Variants in ATIC observed in about 807,000 individuals in gnomAD.
ATIC encodes 5-aminoimidazole-4-carboxamide ribonucleotide formyltransferase/IMP cyclohydrolase, also known as bifunctional purine biosynthesis protein ATIC.
A neutral mutation model predicts 72.5 loss-of-function variants in ATIC; 64 were observed. That is an observed-to-expected ratio of 0.88 (90% CI 0.72 to 1.09). The LOEUF is 1.09. Ranked by LOEUF, ATIC falls within the 50% of genes least tolerant of loss-of-function variation. ATIC has a pLI of 0.00. For missense variants in ATIC, 787 were observed against 732.4 expected, an observed-to-expected ratio of 1.07 and a Z score of -0.86; for synonymous variants, 281 against 267.1, an observed-to-expected ratio of 1.05 and a Z score of -0.51.
At chr2:215,346,707 A>G in intron 13 of ATIC, 52 bp from the exon 14 acceptor site, 1 of 1,586,690 alleles carries the variant, frequency 6.3e-7, no homozygotes, top group Non-Finnish European at 8.7e-7. Context: ...GATCCTTTTG[A>G]GAAGAAAGTG....
At position 215,349,171 on chromosome 2, in the gene ATIC, G is replaced by T. The variant is rs1216586234; in HGVS notation, c.1581G>T (p.Trp527Cys). 1 of 1,614,056 alleles carries T rather than the reference G, an allele frequency of 6.2e-7. No homozygotes were observed. Among genetic ancestry groups the T allele is most frequent in the South Asian group, 1.1e-5 (1 of 91,074 alleles). Reference sequence around the variant, plus strand: ...TCACTGAGGCAGAGAAGAAGGAATGGGTTGAGAAACTGACTGAAGTTTCTA... The same window carrying T: ...TCACTGAGGCAGAGAAGAAGGAATGTGTTGAGAAACTGACTGAAGTTTCTA... ...ELLTEAEKKEWVEKLTEVSIS... is the reference protein window; with the variant it reads ...ELLTEAEKKECVEKLTEVSIS... Residue 527 changes from tryptophan (W) to cysteine (C), a missense_variant, in exon 15 of 16, where the codon TGG becomes TGT. Physicochemically the swap from Trp to Cys is radical, Grantham distance 215 (BLOSUM62 -2). Coordinates refer to ENST00000236959, the MANE Select transcript of ATIC (RefSeq NM_004044.7).
At chr2:215,347,115 A>G (rs1048238175) in intron 14 of ATIC, 174 bp downstream of exon 14, 16 of 883,192 alleles carry the variant, frequency 1.8e-5, no homozygotes, top group Admixed American at 1.7e-4. Context: ...CTTCTGTCTC[A>G]TGTAACTTTC....
chr2:215,364,717 G>T, the ATIC span: 1 of 665,262 alleles, frequency 1.5e-6, no homozygotes. Context: ...TAGACATAGA[G>T]CTGCTCTAGA....
intron 11 of ATIC, 49 bp downstream of exon 11, chr2:215,336,173 T>G: frequency 7.2e-7 from 1 of 1,386,704 alleles, no homozygotes; most frequent in Non-Finnish European, 1.0e-6. Flanking sequence ...TTATTCTGTG[T>G]CTCTTTCTCC....
At chr2:215,359,339 C>T in the ATIC span, among the ~76,000 whole-genome samples, 1 of 152,304 alleles carries the variant, frequency 6.6e-6, no homozygotes, top group East Asian at 1.9e-4. Flanking sequence ...TACCAGCTCA[C>T]CTATGAATAT....
At chr2:215,322,584 G>A (rs1424869935) in intron 4 of ATIC, among the ~76,000 whole-genome samples, 2 of 151,910 alleles carry the variant, frequency 1.3e-5, no homozygotes, top group African/African-American at 4.8e-5. Flanking sequence ...CACCTGCCTC[G>A]GTCTCCCAAA....
chr2:215,333,423 C>T lies in ATIC; in HGVS notation c.888C>T (p.Leu296=), dbSNP rs1394459855. 6.2e-7 allele frequency: 1 copy of T among 1,614,058 alleles called. No individual in the cohort carries two copies. The highest frequency in any genetic ancestry group is 1.1e-5 in the South Asian group (1 of 91,084). The change falls in exon 9 of 16, where the codon CTC becomes CTT. Residue 296 remains leucine (L), a synonymous_variant. Coordinates refer to ENST00000236959, the MANE Select transcript of ATIC (RefSeq NM_004044.7). ...VCMVYDLYKT[L]TPISAAYARA... ...TGGTTTATGATCTCTATAAAACCCT[C>T]ACACCCATCTCAGCGGCATATGCAA... is the stretch of plus-strand genomic sequence containing the variant.
the ATIC span, chr2:215,362,087 A>G: frequency 6.2e-7 from 1 of 1,608,646 alleles, no homozygotes; most frequent in African/African-American, 1.3e-5. Flanking sequence ...GCCCTGAGAG[A>G]GTAGAGGCAT....
chr2:215,368,356 A>G, the ATIC span, among the ~76,000 whole-genome samples: 2 of 152,352 alleles, frequency 1.3e-5, no homozygotes, highest in South Asian at 4.1e-4. Context: ...GTGGGATGCA[A>G]AGACTAATGA....
chr2:215,356,770 A>T, the ATIC span, among the ~76,000 whole-genome samples: 1 of 152,204 alleles, frequency 6.6e-6, no homozygotes, highest in East Asian at 1.9e-4. Flanking sequence ...TGCAGCATGT[A>T]CATTCCTTTT....
At chr2:215,352,426 A>T (rs1350613402), downstream of ATIC, among the ~76,000 whole-genome samples, 1 of 152,070 alleles carries the variant, frequency 6.6e-6, no homozygotes, top group Non-Finnish European at 1.5e-5. Flanking sequence ...TACTAAAATT[A>T]CAAAAATTAG....
chr2:215,315,099 T>C (rs1369474677), intron 2 of ATIC, among the ~76,000 whole-genome samples: 1 of 152,180 alleles, frequency 6.6e-6, no homozygotes, highest in African/African-American at 2.4e-5. Flanking sequence ...GTCCAGATTC[T>C]TCTTGGCTTC....
the ATIC span, among the ~76,000 whole-genome samples, chr2:215,357,057 A>T: frequency 6.6e-6 from 1 of 152,294 alleles, no homozygotes; most frequent in Non-Finnish European, 1.5e-5. Flanking sequence ...GCGATGAATG[A>T]GGGTTCCAGT....
chr2:215,335,071 T>A, intron 10 of ATIC, 67 bp downstream of exon 10: 1 of 1,091,228 alleles, frequency 9.2e-7, no homozygotes, highest in South Asian at 1.4e-5. Flanking sequence ...TAATGTTAAT[T>A]GAAACCATAA....
At chr2:215,354,893 C>T in the ATIC span, among the ~76,000 whole-genome samples, 1 of 151,760 alleles carries the variant, frequency 6.6e-6, no homozygotes, top group South Asian at 2.1e-4. Flanking sequence ...CTTGAGACAG[C>T]CCAGCTGATG....
At chr2:215,355,720 T>G in the ATIC span, among the ~76,000 whole-genome samples, 2 of 152,216 alleles carry the variant, frequency 1.3e-5, no homozygotes, top group Non-Finnish European at 2.9e-5. Flanking sequence ...CCATTTAAAG[T>G]ATAATTTTTA....
rs534875915 is a variant in ATIC, at chr2:215,317,991, G to T, written c.147-166G>T. 1.8e-4 allele frequency: 121 copies of T among 666,944 alleles called. No individual in the cohort carries two copies. In the African/African-American group the frequency reaches 1.9e-3, roughly 11 times the overall value. 41.3% of individuals were successfully genotyped at this position (666,944 alleles called of 1,614,324 possible). ...ATAAACTTTTTTTCGGAAGTAAATA[G>T]AATTTTACTTAAGAAATAAAATATA... On this transcript the variant is annotated intron_variant, in intron 2 of 15. Coordinates refer to ENST00000236959, the MANE Select transcript of ATIC (RefSeq NM_004044.7).
At chr2:215,350,100 A>T (rs970758601), downstream of ATIC, among the ~76,000 whole-genome samples, 5 of 152,032 alleles carry the variant, frequency 3.3e-5, no homozygotes, top group Non-Finnish European at 5.9e-5. Flanking sequence ...GAGTCTTCTC[A>T]TGCCGTTTTT....
At position 215,325,857 on chromosome 2, in the gene ATIC, C is replaced by A. The variant is rs75730289; in HGVS notation, c.380-130C>A. The A allele has an allele frequency of 1.1e-3, 1,345 of 1,177,006 alleles. 10 individuals carry two copies. The African/African-American group carries it at 0.018, about 16-fold the overall frequency. The allele number at this position is 1,177,006 out of a possible 1,614,324, so 72.9% of individuals were successfully genotyped here. A position where few individuals can be genotyped will look rare whatever the true frequency, so the allele number is the denominator to read the frequency against. On this transcript the variant is annotated intron_variant, in intron 5 of 15. Coordinates refer to ENST00000236959, the MANE Select transcript of ATIC (RefSeq NM_004044.7). ...CTGGGATTCCAGGCATGAGCCACTG[C>A]GCCCAGCTTATTTTCCTGATTTTTA...
Sources: gnomAD v4.1 joint callset for allele counts (sites outside exome capture counted in the v4.1 genomes callset) on GRCh38, gnomAD v4.1.1 for gene constraint, MANE v1.5 for transcripts, NCBI Gene and HGNC (gene_info 2026-07-23, HGNC 2026-07-21) for gene names.